Variants in MAP3K5 observed in about 807,000 individuals in gnomAD.
The protein encoded by MAP3K5 is mitogen-activated protein kinase kinase kinase 5, also known as ASK-1.
MAP3K5 carries 56 observed loss-of-function variants against 158.7 expected under a neutral mutation model. The observed-to-expected ratio is 0.35, with a 90% CI of 0.28 to 0.44. The LOEUF is 0.44. MAP3K5 is among the 20% of genes least tolerant of loss of function. MAP3K5 has a pLI of 1.00. For missense variants in MAP3K5, 1,294 were observed against 1,674.8 expected (o/e 0.77, Z 3.97); for synonymous variants, 579 against 601.7 (o/e 0.96, Z 0.55).
chr6:136,597,618 G>C (rs1488531712), intron 21 of MAP3K5, among the ~76,000 whole-genome samples: 1 of 152,218 alleles, frequency 6.6e-6, no homozygotes, highest in Non-Finnish European at 1.5e-5. Flanking sequence ...TCCAGATTCT[G>C]AGAAGGGCCA....
intron 9 of MAP3K5, among the ~76,000 whole-genome samples, chr6:136,656,917 C>G (rs117872485): frequency 0.017 from 2,592 of 152,348 alleles, 32 homozygotes; most frequent in Middle Eastern, 0.027. Flanking sequence ...CCACCACGCC[C>G]AGCCGTGCTT....
chr6:136,779,038 G>T (rs181840313), intron 1 of MAP3K5, among the ~76,000 whole-genome samples: 1 of 152,086 alleles, frequency 6.6e-6, no homozygotes, highest in African/African-American at 2.4e-5. Context: ...AGTGGCTCAC[G>T]CCTGTAATCC....
intron 14 of MAP3K5, among the ~76,000 whole-genome samples, chr6:136,635,671 T>C (rs1339660197): frequency 6.9e-6 from 1 of 145,920 alleles, no homozygotes; most frequent in Non-Finnish European, 1.5e-5. Context: ...GAGAACTGCT[T>C]GAGCCCAGGA....
At chr6:136,592,983 T>C (rs1047349524) in intron 21 of MAP3K5, among the ~76,000 whole-genome samples, 1 of 152,178 alleles carries the variant, frequency 6.6e-6, no homozygotes, top group Non-Finnish European at 1.5e-5. Context: ...GTCAGATTGA[T>C]AATCTTTAAG....
At chr6:136,595,918 G>A (rs576088725) in intron 21 of MAP3K5, among the ~76,000 whole-genome samples, 134 of 152,120 alleles carry the variant, frequency 8.8e-4, no homozygotes, top group Non-Finnish European at 1.5e-3. Flanking sequence ...GCTGAGGCAG[G>A]AGAATTGCTT....
chr6:136,667,101 C>T (rs1267937212), intron 8 of MAP3K5, among the ~76,000 whole-genome samples: 11 of 152,086 alleles, frequency 7.2e-5, no homozygotes, highest in Non-Finnish European at 1.6e-4. Context: ...CATTGCTTTG[C>T]CTACATATGC....
intron 1 of MAP3K5, among the ~76,000 whole-genome samples, chr6:136,760,261 C>T (rs1271114249): frequency 6.6e-6 from 1 of 152,074 alleles, no homozygotes; most frequent in African/African-American, 2.4e-5. Context: ...ATATAATTGT[C>T]ACCAGTCTAC....
At chr6:136,721,303 TTATTAG>T (rs555096507) in intron 1 of MAP3K5, among the ~76,000 whole-genome samples, 1 of 151,670 alleles carries the variant, frequency 6.6e-6, no homozygotes, top group South Asian at 2.1e-4. Context: ...ATAGGTAAGC[TTATTAG>T]TTAATCCAGA....
chr6:136,671,773 C>G (rs1483954325), intron 7 of MAP3K5, among the ~76,000 whole-genome samples: 1 of 151,944 alleles, frequency 6.6e-6, no homozygotes, highest in Non-Finnish European at 1.5e-5. Context: ...ACCACCATGC[C>G]CGAATAATTT....
At chr6:136,573,245 C>G (rs1251092990) in intron 25 of MAP3K5, among the ~76,000 whole-genome samples, 1 of 152,196 alleles carries the variant, frequency 6.6e-6, no homozygotes, top group Admixed American at 6.5e-5. Context: ...CTCTTTCTCT[C>G]TTCTTGAGCT....
chr6:136,758,931 G>T (rs1289662728), intron 1 of MAP3K5, among the ~76,000 whole-genome samples: 3 of 152,188 alleles, frequency 2.0e-5, no homozygotes, highest in Non-Finnish European at 4.4e-5. Context: ...CCAGCCCTTT[G>T]GGAGGCCGAG....
intron 2 of MAP3K5, among the ~76,000 whole-genome samples, chr6:136,714,782 T>C (rs1263964350): frequency 6.6e-6 from 1 of 152,196 alleles, no homozygotes; most frequent in East Asian, 1.9e-4. Context: ...AGCTGCCGTA[T>C]TATTAAAATT....
At position 136,680,154 on chromosome 6, in the gene MAP3K5, T is replaced by C. The variant is rs546336682; in HGVS notation, c.1254-10759A>G. ...GAGAGATTTATAGAAAGACAGAAAG[T>C]AATGGTGGTGCCCAGGGCCGGCGGA... On this transcript the variant is annotated intron_variant, in intron 7 of 29. Coordinates refer to ENST00000359015, the MANE Select transcript of MAP3K5 (RefSeq NM_005923.4). Among the ~76,000 whole-genome samples, 267 of 151,992 alleles carry C rather than the reference T, an allele frequency of 1.8e-3. 3 individuals are homozygous for C. The South Asian group carries it at 0.018, about 10-fold the overall frequency.
At chr6:136,790,378 T>C (rs1305860363) in intron 1 of MAP3K5, among the ~76,000 whole-genome samples, 2 of 152,260 alleles carry the variant, frequency 1.3e-5, no homozygotes, top group African/African-American at 4.8e-5. Flanking sequence ...TTGAAGTTTC[T>C]TCCAAATTAT....
At chr6:136,565,152 T>C (rs1774041990) in intron 26 of MAP3K5, among the ~76,000 whole-genome samples, 2 of 152,242 alleles carry the variant, frequency 1.3e-5, no homozygotes, top group Non-Finnish European at 2.9e-5. Flanking sequence ...AGCAGAGTAT[T>C]GACAGCCCAC....
chr6:136,704,553 ATTTATTT>A (rs1463181205), intron 3 of MAP3K5, among the ~76,000 whole-genome samples: 1 of 152,032 alleles, frequency 6.6e-6, no homozygotes, highest in Non-Finnish European at 1.5e-5. Flanking sequence ...CTTTTTATTT[ATTTATTT>A]TTTGAGATGT....
At chr6:136,661,596 C>T (rs935622886) in intron 8 of MAP3K5, among the ~76,000 whole-genome samples, 5 of 152,080 alleles carry the variant, frequency 3.3e-5, no homozygotes, top group African/African-American at 7.2e-5. Context: ...AACAAGGTTT[C>T]GCCATGTTGC....
At chr6:136,703,253 A>T (rs1162402844) in intron 3 of MAP3K5, among the ~76,000 whole-genome samples, 3 of 152,176 alleles carry the variant, frequency 2.0e-5, no homozygotes, top group Non-Finnish European at 4.4e-5. Context: ...CAAAATGTAC[A>T]ATATTTGGTT....
At chr6:136,588,825 C>G (rs1012906569) in intron 23 of MAP3K5, among the ~76,000 whole-genome samples, 5 of 152,200 alleles carry the variant, frequency 3.3e-5, no homozygotes, top group African/African-American at 1.2e-4. Context: ...GCATGCATGA[C>G]ACTCATCCTC....
Sources: gnomAD v4.1 joint callset for allele counts (sites outside exome capture counted in the v4.1 genomes callset) on GRCh38, gnomAD v4.1.1 for gene constraint, MANE v1.5 for transcripts, NCBI Gene and HGNC (gene_info 2026-07-23, HGNC 2026-07-21) for gene names.